RND1: variants seen among roughly 807,000 people sequenced by gnomAD.
The protein encoded by RND1 is Rho family GTPase 1.
Under a neutral mutation model 27.1 loss-of-function variants are expected in RND1, and 9 were observed. That is an observed-to-expected ratio of 0.33 (90% confidence interval 0.20 to 0.58). The LOEUF is 0.58. RND1 is among the 20% of genes least tolerant of loss of function. The pLI is 0.86. For synonymous variants in RND1, 108 were observed against 115.7 expected, an observed-to-expected ratio of 0.93 and a Z score of 0.43; for missense variants, 253 against 292.2, an observed-to-expected ratio of 0.87 and a Z score of 0.98.
In RND1 at chr12:48,860,984, C is replaced by T. The variant is rs373884289; in HGVS notation, c.453+13G>A. ...CACTCCACCCCACGACATGCACTTG[C>T]ATGCGCACACACCTGCTCATAGGAG... On this transcript the variant is annotated intron_variant, in intron 4 of 4. Coordinates refer to ENST00000309739, the MANE Select transcript of RND1 (RefSeq NM_014470.4). The T allele has an allele frequency of 1.2e-5, 19 of 1,612,686 alleles. No homozygotes were observed. The African/African-American group carries it at 2.1e-4, about 18-fold the overall frequency.
rs780250169 is a variant in RND1 at position 48,858,111 on chromosome 12, G to C, written c.584C>G (p.Pro195Arg). The change falls in exon 5 of 5, where the codon CCC becomes CGC. Residue 195 changes from proline to arginine, a missense_variant. Transcript: ENST00000309739. ...MLCLNKPSPL[P>R]QKSPVRSLSK... ...GAGGCTTCGGACAGGGCTCTTCTGG[G>C]GCAGTGGGCTAGGCTTGTTCAGACA... 5 of 1,614,180 alleles carry C rather than the reference G, an allele frequency of 3.1e-6. No homozygotes were observed. The South Asian group carries it at 5.5e-5, about 18-fold the overall frequency.
chr12:48,857,849 C>T lies in RND1; in HGVS notation c.*147G>A. ...CATGCCGGGCCTGGCTCCTTCCTCG[C>T]CCCATTCCTGTCTCCTTCCAAGCCC... On this transcript the variant is annotated 3_prime_UTR_variant, in exon 5 of 5. Transcript: ENST00000309739. 1 of 941,252 alleles carries T rather than the reference C, an allele frequency of 1.1e-6. No homozygotes were observed. 58.3% of individuals were successfully genotyped at this position (941,252 alleles called of 1,614,324 possible).
chr12:48,865,347 C>T (rs1265330347), intron 1 of RND1: 5 of 444,650 alleles, frequency 1.1e-5, no homozygotes, highest in Non-Finnish European at 2.1e-5. Flanking sequence ...CTTTCAAATG[C>T]CTCCAGTGCC....
rs1938863079 is a variant in RND1, at chr12:48,857,750, A to C, written c.*246T>G. On this transcript the variant is annotated 3_prime_UTR_variant, in exon 5 of 5. Transcript: ENST00000309739. ...TTCCTTCCTCTGGAGCGGGGGGGGC[A>C]CTGGGGTAGTCGCCCCCTCCAAAAT... 2.2e-5 allele frequency: 8 copies of C among 360,172 alleles called. No individual in the cohort carries two copies. Among genetic ancestry groups the C allele is most frequent in the Middle Eastern group, 7.5e-4 (1 of 1,338 alleles). 22.3% of individuals were successfully genotyped at this position (360,172 alleles called of 1,614,324 possible).
rs1187891574 is a variant in RND1 at position 48,861,003 on chromosome 12, A to G, written c.447T>C (p.Tyr149=). Residue 149 remains tyrosine, a synonymous_variant, in exon 4 of 5, where the codon TAT becomes TAC. Transcript: ENST00000309739. ...LSHQKQAPIS[Y]EQGCAIAKQL... Reference sequence around the variant, plus strand: ...CACTTGCATGCGCACACACCTGCTCATAGGAGATGGGCGCCTGCTTCTGGT... The same window carrying G: ...CACTTGCATGCGCACACACCTGCTCGTAGGAGATGGGCGCCTGCTTCTGGT... 1.9e-6 allele frequency: 3 copies of G among 1,613,436 alleles called. No individual in the cohort carries two copies. Among genetic ancestry groups the G allele is most frequent in the Non-Finnish European group, 2.5e-6 (3 of 1,180,036 alleles).
Position 48,857,870 on chromosome 12 carries a change from A to C in RND1, c.*126T>G, listed in dbSNP as rs1448031925. The C allele has an allele frequency of 8.5e-7, 1 of 1,171,554 alleles. No homozygotes were observed. Among genetic ancestry groups the C allele is most frequent in the Non-Finnish European group, 1.2e-6 (1 of 844,996 alleles). 72.6% of individuals were successfully genotyped at this position (1,171,554 alleles called of 1,614,324 possible). On this transcript the variant is annotated 3_prime_UTR_variant, in exon 5 of 5. Transcript: ENST00000309739. ...CTCGCCCCATTCCTGTCTCCTTCCA[A>C]GCCCTCACCGTGGCCATCTGAAAAA... is the stretch of plus-strand genomic sequence containing the variant.
At chr12:48,858,396 T>C (rs1430925812) in intron 4 of RND1, 155 bp from the exon 5 acceptor site, 9 of 844,858 alleles carry the variant, frequency 1.1e-5, no homozygotes, top group African/African-American at 8.7e-5. Flanking sequence ...TTTCTTTTTT[T>C]TTTTTTTTTT....
At chr12:48,859,139 T>TAA (rs1938884398) in intron 4 of RND1, 1 of 151,532 alleles carries the variant, frequency 6.6e-6, no homozygotes, top group Non-Finnish European at 1.5e-5. Context: ...TTTGTATTTT[T>TAA]AGTAGAGATG....
chr12:48,860,756 A>T (rs1226785458), intron 4 of RND1, among the ~76,000 whole-genome samples: 2 of 151,956 alleles, frequency 1.3e-5, no homozygotes, highest in African/African-American at 2.4e-5. Context: ...ATTCTAACGC[A>T]GGTGGTCAGA....
At chr12:48,865,870 TGAG>T (rs1355917915), upstream of RND1, 6 of 1,476,014 alleles carry the variant, frequency 4.1e-6, no homozygotes, top group African/African-American at 4.3e-5. Context: ...TCCCTCCAAC[TGAG>T]GAGGAGGCCG....
intron 2 of RND1, among the ~76,000 whole-genome samples, chr12:48,864,416 T>TGTGTGTGTGTGTGTGTGCGCGCGC (rs141121524): frequency 5.9e-5 from 8 of 135,458 alleles, no homozygotes; most frequent in African/African-American, 1.9e-4. Context: ...TGTGTGTGTG[T>TGTGTGTGTGTGTGTGTGCGCGCGC]GCGCGCGCGC....
chr12:48,864,671 G>T, intron 2 of RND1, 112 bp downstream of exon 2: 1 of 843,126 alleles, frequency 1.2e-6, no homozygotes, highest in Non-Finnish European at 2.0e-6. Flanking sequence ...TGAGTCTTCA[G>T]ATCCTCTTTT....
intron 2 of RND1, among the ~76,000 whole-genome samples, chr12:48,863,568 C>T (rs1296785815): frequency 6.6e-6 from 1 of 152,178 alleles, no homozygotes; most frequent in Non-Finnish European, 1.5e-5. Flanking sequence ...CTAGCCCAAT[C>T]TTGCCAGCAT....
At chr12:48,862,154 G>T in intron 2 of RND1, 36 bp from the exon 3 acceptor site, 1 of 1,328,914 alleles carries the variant, frequency 7.5e-7, no homozygotes. Context: ...GGTGAGCCAT[G>T]GTGTTTTCCT....
At chr12:48,863,375 G>A (rs536329077) in intron 2 of RND1, among the ~76,000 whole-genome samples, 1 of 152,164 alleles carries the variant, frequency 6.6e-6, no homozygotes, top group Non-Finnish European at 1.5e-5. Flanking sequence ...GATTTTCCAT[G>A]ATCTGGTTTG....
chr12:48,861,014 G>A lies in RND1; in HGVS notation c.436C>T (p.Pro146Ser), dbSNP rs1386072787. Residue 146 changes from proline (P) to serine (S), a missense_variant, in exon 4 of 5, where the codon CCC becomes TCC. Coordinates refer to ENST00000309739, the MANE Select transcript of RND1 (RefSeq NM_014470.4). The part of the protein sequence containing the change: ...LMELSHQKQA[P>S]ISYEQGCAIA... ...GCACACACCTGCTCATAGGAGATGG[G>A]CGCCTGCTTCTGGTGGGACAGCTCC... 1 of 1,613,506 alleles carries A rather than the reference G, an allele frequency of 6.2e-7. No homozygotes were observed. Among genetic ancestry groups the A allele is most frequent in the Non-Finnish European group, 8.5e-7 (1 of 1,180,054 alleles).
chr12:48,857,177 A>G lies in RND1; in HGVS notation c.*819T>C, dbSNP rs2137505093. The G allele has an allele frequency of 6.6e-6, 1 of 152,404 alleles. No homozygotes were observed. Among genetic ancestry groups the G allele is most frequent in the South Asian group, 2.1e-4 (1 of 4,824 alleles). 9.4% of individuals were successfully genotyped at this position (152,404 alleles called of 1,614,324 possible). ...TATGTATTATATTTTTCATTAATAA[A>G]TAGGTTTTCTTCATTAAACACAGAA... is the stretch of plus-strand genomic sequence containing the variant. On this transcript the variant is annotated 3_prime_UTR_variant, in exon 5 of 5. Transcript: ENST00000309739.
At position 48,865,796 on chromosome 12, in the gene RND1, C is replaced by A; in HGVS notation, c.-29G>T. ...TGCAGTGTCCGCGGGACTTGAACTT[C>A]GATTCAGAAGGGAGGGTTGCGCCAG... On this transcript the variant is annotated 5_prime_UTR_variant, in exon 1 of 5. Coordinates refer to ENST00000309739, the MANE Select transcript of RND1 (RefSeq NM_014470.4). The A allele has an allele frequency of 6.4e-7, 1 of 1,562,368 alleles. No individual in the cohort carries two copies. Among genetic ancestry groups the A allele is most frequent in the Non-Finnish European group, 8.7e-7 (1 of 1,148,064 alleles).
At chr12:48,858,761 A>C (rs1355670820) in intron 4 of RND1, 2 of 152,612 alleles carry the variant, frequency 1.3e-5, no homozygotes, top group African/African-American at 4.8e-5. Context: ...TGGGCACACA[A>C]CTATAGTCTC....
Sources: gnomAD v4.1 joint callset for allele counts (sites outside exome capture counted in the v4.1 genomes callset) on GRCh38, gnomAD v4.1.1 for gene constraint, MANE v1.5 for transcripts, NCBI Gene and HGNC (gene_info 2026-07-23, HGNC 2026-07-21) for gene names.